Variants in ACCS observed in about 807,000 individuals in gnomAD.
ACCS encodes the protein 1-aminocyclopropane-1-carboxylate synthase-like protein 1.
Under a neutral mutation model 59.8 loss-of-function variants are expected in ACCS, and 42 were observed. The ratio of observed to expected loss-of-function variants is 0.70; its 90% CI spans 0.55 to 0.91. The LOEUF (loss-of-function observed/expected upper bound fraction) is 0.91. Among genes scored for constraint, ACCS ranks in the 40% least tolerant of loss-of-function variants. The pLI, the probability that ACCS is intolerant of heterozygous loss-of-function variation, is 0.00. For synonymous variants in ACCS, 230 were observed against 240.3 expected, an observed-to-expected ratio of 0.96 and a Z score of 0.40; for missense variants, 602 against 630.4, an observed-to-expected ratio of 0.95 and a Z score of 0.48.
chr11:44,069,431 G>A (rs1456304020), intron 2 of ACCS, among the ~76,000 whole-genome samples: 1 of 152,104 alleles, frequency 6.6e-6, no homozygotes, highest in Non-Finnish European at 1.5e-5. Context: ...TGGCCTGGCT[G>A]GTCTCAAACT....
At chr11:44,068,153 T>C (rs886999086) in intron 2 of ACCS, among the ~76,000 whole-genome samples, 1 of 152,168 alleles carries the variant, frequency 6.6e-6, no homozygotes, top group Non-Finnish European at 1.5e-5. Context: ...AAGAACCATA[T>C]GATGTTCTAT....
intron 3 of ACCS, chr11:44,071,666 C>T (rs771489495): frequency 5.2e-5 from 11 of 211,482 alleles, no homozygotes; most frequent in East Asian, 3.2e-4. Flanking sequence ...TGCCAATTTC[C>T]GTAGTGTAAA....
rs199826470 is a variant in ACCS, at chr11:44,083,480, C to G, written c.1311C>G (p.Asp437Glu). The change falls in exon 14 of 15, where the codon GAC becomes GAG. Residue 437 changes from aspartate (D) to glutamate (E), a missense_variant. Transcript: ENST00000263776. ...TGCTGCTCTGGCGCCGCTTTTTGGA[C>G]AACAAGGTGCTGCTGTCCTTTGGCA... is the stretch of plus-strand genomic sequence containing the variant. Reference protein sequence around the residue: ...EEMLLWRRFLDNKVLLSFGKA... With the variant: ...EEMLLWRRFLENKVLLSFGKA... 8.1e-6 allele frequency: 13 copies of G among 1,614,230 alleles called. No individual in the cohort carries two copies. The East Asian group carries it at 2.9e-4, about 36-fold the overall frequency.
At chr11:44,067,406 T>C (rs74808775) in intron 1 of ACCS, 8,429 of 496,048 alleles carry the variant, frequency 0.017, 600 homozygotes, top group African/African-American at 0.15. Context: ...CACGTCAATG[T>C]GGCAAGTGCA....
rs757698561 is a variant in ACCS at position 44,077,872 on chromosome 11, C to G, written c.682C>G (p.Gln228Glu). 16 of 1,614,040 alleles carry G rather than the reference C, an allele frequency of 9.9e-6. No homozygotes were observed. The East Asian group carries it at 3.6e-4, about 36-fold the overall frequency. Residue 228 changes from glutamine (Q) to glutamate (E), a missense_variant, in exon 8 of 15, where the codon CAG (glutamine) becomes GAG (glutamate). Physicochemically the swap from Gln to Glu is conservative, Grantham distance 29. Coordinates refer to ENST00000263776, the MANE Select transcript of ACCS (RefSeq NM_032592.4). ...CACTGGGCTAGACACACGCCCCTTC[C>G]AGCTCACAGTGGAGAAGCTGGAGAT... ...EVTGLDTRPFQLTVEKLEMAL... is the reference protein window; with the variant it reads ...EVTGLDTRPFELTVEKLEMAL...
Position 44,081,318 on chromosome 11 carries a change from G to A in ACCS, c.1109G>A (p.Arg370His), listed in dbSNP as rs143485426. ...QYQMAQLLRD[R>H]DWINQVYLPE... Reference sequence around the variant, plus strand: ...CAGATGGCACAGCTGCTCCGGGACCGTGGTGACTGCCTGGGCCTGGTGACC... The same window carrying A: ...CAGATGGCACAGCTGCTCCGGGACCATGGTGACTGCCTGGGCCTGGTGACC... The change falls in exon 12 of 15, where the codon CGT becomes CAT. Residue 370 changes from arginine (R) to histidine (H), a missense_variant and splice_region_variant. By Grantham distance (29) the Arg-to-His change is conservative (BLOSUM62 0). Transcript: ENST00000263776. 535 of 1,613,630 alleles carry A rather than the reference G, an allele frequency of 3.3e-4. 6 individuals are homozygous for A. The Middle Eastern group carries it at 6.3e-3, about 19-fold the overall frequency.
In ACCS at chr11:44,081,264, A is replaced by G; in HGVS notation, c.1055A>G (p.Tyr352Cys). ...VATAVASLCR[Y>C]HGLSGLVQYQ... is the part of the protein sequence containing the mutation. ...ACTGCCGTGGCTTCCCTCTGCCGCTACCACGGCCTCAGTGGCTTGGTCCAG... is the reference window on the plus strand; with the variant it reads ...ACTGCCGTGGCTTCCCTCTGCCGCTGCCACGGCCTCAGTGGCTTGGTCCAG... Residue 352 changes from tyrosine to cysteine, a missense_variant, in exon 12 of 15, where the codon TAC (tyrosine) becomes TGC (cysteine). By Grantham distance (194) the Tyr-to-Cys change is radical. Coordinates refer to ENST00000263776, the MANE Select transcript of ACCS (RefSeq NM_032592.4). 10 of 1,614,248 alleles carry G rather than the reference A, an allele frequency of 6.2e-6. No individual in the cohort carries two copies. Among genetic ancestry groups the G allele is most frequent in the Non-Finnish European group, 8.5e-6 (10 of 1,180,038 alleles).
rs369327378 is a variant in ACCS, at chr11:44,074,576, C to T, written c.420-36C>T. 1,729 of 1,574,344 alleles carry T rather than the reference C, an allele frequency of 1.1e-3. 5 individuals carry two copies. Among genetic ancestry groups the T allele is most frequent in the Non-Finnish European group, 1.4e-3 (1,645 of 1,144,434 alleles). On this transcript the variant is annotated intron_variant, in intron 4 of 14. Transcript: ENST00000263776. Reference sequence around the variant, plus strand: ...TCAGGATGCACCGTGGGTTGGGGACCATCTGGCAAGCACTGTCTTTTTGTC... The same window carrying T: ...TCAGGATGCACCGTGGGTTGGGGACTATCTGGCAAGCACTGTCTTTTTGTC...
In ACCS at chr11:44,077,927, G is replaced by A. The variant is rs1953455899; in HGVS notation, c.732+5G>A. ...CTGAGAGAAGCTCACTCTGAGGTCT[G>A]GGGATCAAATCAAACCTGAGGCTGG... On this transcript the variant is annotated splice_donor_5th_base_variant and intron_variant, in intron 8 of 14. Coordinates refer to ENST00000263776, the MANE Select transcript of ACCS (RefSeq NM_032592.4). The A allele has an allele frequency of 6.2e-7, 1 of 1,613,550 alleles. No homozygotes were observed. The highest frequency in any genetic ancestry group is 8.5e-7 in the Non-Finnish European group (1 of 1,179,732).
chr11:44,075,646 G>A (rs1953323936), intron 6 of ACCS, 54 bp downstream of exon 6: 1 of 1,592,400 alleles, frequency 6.3e-7, no homozygotes, highest in Non-Finnish European at 8.6e-7. Context: ...TGCTTGCAGG[G>A]TTCCCAGTTG....
intron 2 of ACCS, among the ~76,000 whole-genome samples, chr11:44,069,237 T>C (rs1952933025): frequency 6.6e-6 from 1 of 152,088 alleles, no homozygotes; most frequent in Non-Finnish European, 1.5e-5. Flanking sequence ...TTTCTTTTTT[T>C]TTTGTGACGG....
rs1281672808 is a variant in ACCS, at chr11:44,083,823, A to G, written c.*31A>G. 6.4e-7 allele frequency: 1 copy of G among 1,567,690 alleles called. No homozygotes were observed. The highest frequency in any genetic ancestry group is 8.6e-7 in the Non-Finnish European group (1 of 1,156,422). On this transcript the variant is annotated 3_prime_UTR_variant, in exon 15 of 15. Transcript: ENST00000263776. The stretch of plus-strand genomic sequence containing the variant: ...TCATTGTCTCGTGGCCAGAGGGCCC[A>G]GCAGCCACTGTGGACCTGGGGCGTT...
chr11:44,083,514 G>A lies in ACCS; in HGVS notation c.1345G>A (p.Glu449Lys), dbSNP rs751260407. 35 of 1,614,114 alleles carry A rather than the reference G, an allele frequency of 2.2e-5. No individual in the cohort carries two copies. In the East Asian group the frequency reaches 7.8e-4, roughly 36 times the overall value. ...GCTGCTGTCCTTTGGCAAGGCCTTC[G>A]AGTGTAAAGAGCCTGGTTGGTTTCG... ...KVLLSFGKAF[E>K]CKEPGWFRFV... The change falls in exon 14 of 15, where the codon GAG becomes AAG. Residue 449 changes from glutamate (E) to lysine (K), a missense_variant. By Grantham distance (56) the Glu-to-Lys change is moderately conservative. Coordinates refer to ENST00000263776, the MANE Select transcript of ACCS (RefSeq NM_032592.4).
chr11:44,070,152 G>A, intron 2 of ACCS, among the ~76,000 whole-genome samples: 1 of 152,200 alleles, frequency 6.6e-6, no homozygotes, highest in East Asian at 1.9e-4. Flanking sequence ...ACAGGACCTG[G>A]TGAGCCTTCT....
chr11:44,066,935 A>G (rs995379044), intron 1 of ACCS, among the ~76,000 whole-genome samples: 1 of 152,216 alleles, frequency 6.6e-6, no homozygotes, highest in Non-Finnish European at 1.5e-5. Flanking sequence ...TGTCACTAAC[A>G]TATATATTTA....
At chr11:44,075,323 G>A (rs1283059490) in intron 5 of ACCS, among the ~76,000 whole-genome samples, 1 of 152,194 alleles carries the variant, frequency 6.6e-6, no homozygotes, top group African/African-American at 2.4e-5. Flanking sequence ...TAAATGACCA[G>A]CCCCCTCTTC....
intron 3 of ACCS, 111 bp downstream of exon 3, chr11:44,071,426 A>C (rs1231382565): frequency 8.0e-7 from 1 of 1,251,890 alleles, no homozygotes; most frequent in Non-Finnish European, 1.1e-6. Flanking sequence ...TGGCCTGGGA[A>C]TCAGGAGACC....
intron 10 of ACCS, among the ~76,000 whole-genome samples, chr11:44,080,012 G>T (rs1004455894): frequency 6.6e-6 from 1 of 152,136 alleles, no homozygotes; most frequent in Non-Finnish European, 1.5e-5. Context: ...AACACCTCTG[G>T]ATATTTAAAT....
chr11:44,078,063 A>T lies in ACCS; in HGVS notation c.732+141A>T. ...ACAGACAGGTAGGGTGGTAGCACAG[A>T]ATTATTCTGGGAGTCAGGCAGAACC... On this transcript the variant is annotated intron_variant, in intron 8 of 14. Coordinates refer to ENST00000263776, the MANE Select transcript of ACCS (RefSeq NM_032592.4). 5 of 1,136,172 alleles carry T rather than the reference A, an allele frequency of 4.4e-6. No homozygotes were observed. In the East Asian group the frequency reaches 1.3e-4, roughly 30 times the overall value. 70.4% of individuals were successfully genotyped at this position (1,136,172 alleles called of 1,614,324 possible). A position where few individuals can be genotyped will look rare whatever the true frequency, so the allele number is the denominator to read the frequency against.
Sources: gnomAD v4.1 joint callset for allele counts (sites outside exome capture counted in the v4.1 genomes callset) on GRCh38, gnomAD v4.1.1 for gene constraint, MANE v1.5 for transcripts, NCBI Gene and HGNC (gene_info 2026-07-23, HGNC 2026-07-21) for gene names.